The following UGT3A2 variants were observed in gnomAD, a reference collection of about 807,000 sequenced individuals.
UGT3A2 encodes UDP-glycosyltransferase 3A2.
In UGT3A2, 32 loss-of-function variants were observed where a neutral mutation model predicts 39.8. That is an observed-to-expected ratio of 0.80 (90% CI 0.61 to 1.08). The LOEUF (loss-of-function observed/expected upper bound fraction) is 1.08. UGT3A2 is among the 50% of genes least tolerant of loss of function. The pLI, the probability that UGT3A2 is intolerant of heterozygous loss-of-function variation, is 0.00. For synonymous variants in UGT3A2, 241 were observed against 230.7 expected (o/e 1.04, Z -0.40); for missense variants, 611 against 637.1 (o/e 0.96, Z 0.44).
intron 2 of UGT3A2, among the ~76,000 whole-genome samples, chr5:36,060,939 T>C (rs1283500139): frequency 6.6e-6 from 1 of 152,180 alleles, no homozygotes; most frequent in African/African-American, 2.4e-5. Context: ...GCAGATCACC[T>C]GAGATTAGGA....
At chr5:36,037,135 T>C (rs1009438352) in intron 6 of UGT3A2, among the ~76,000 whole-genome samples, 11 of 152,310 alleles carry the variant, frequency 7.2e-5, no homozygotes, top group Admixed American at 1.3e-4. Context: ...CTGCGCATGG[T>C]GGCTTATGTA....
At chr5:36,038,625 T>C (rs917963814) in intron 5 of UGT3A2, among the ~76,000 whole-genome samples, 1 of 152,208 alleles carries the variant, frequency 6.6e-6, no homozygotes, top group Admixed American at 6.5e-5. Flanking sequence ...AAAGTGATGG[T>C]TGATAATGAC....
At chr5:36,045,141 T>A (rs1742126796) in intron 4 of UGT3A2, among the ~76,000 whole-genome samples, 1 of 152,148 alleles carries the variant, frequency 6.6e-6, no homozygotes, top group Admixed American at 6.5e-5. Context: ...ACAAGGCACA[T>A]AGACCAACAG....
At position 36,059,679 on chromosome 5, in the gene UGT3A2, A is replaced by G. The variant is rs527535053; in HGVS notation, c.196+4570T>C. On this transcript the variant is annotated intron_variant, in intron 2 of 6. Transcript: ENST00000282507. ...TTCTCTGTGTCTTCTGTTAATCAGAAAGAGCCTGTTTCTTGTTATCAGTGG... is the reference window on the plus strand; with the variant it reads ...TTCTCTGTGTCTTCTGTTAATCAGAGAGAGCCTGTTTCTTGTTATCAGTGG... Among the ~76,000 whole-genome samples the G allele has an allele frequency of 2.6e-5, 4 of 152,306 alleles. 1 individual carries two copies. In the East Asian group the frequency reaches 5.8e-4, roughly 22 times the overall value.
intron 4 of UGT3A2, among the ~76,000 whole-genome samples, chr5:36,042,143 A>G (rs950341484): frequency 3.3e-5 from 5 of 151,996 alleles, no homozygotes; most frequent in African/African-American, 1.2e-4. Flanking sequence ...GTCTCTTAAC[A>G]GAAGAATTGA....
At chr5:36,062,650 G>A (rs996255550) in intron 2 of UGT3A2, among the ~76,000 whole-genome samples, 8 of 152,128 alleles carry the variant, frequency 5.3e-5, no homozygotes, top group Admixed American at 3.9e-4. Flanking sequence ...CTGTAGTCTT[G>A]TAGTATAGTT....
At chr5:36,048,114 C>A (rs572683625) in intron 4 of UGT3A2, among the ~76,000 whole-genome samples, 2 of 152,200 alleles carry the variant, frequency 1.3e-5, no homozygotes, top group African/African-American at 4.8e-5. Flanking sequence ...ATCACCTGAG[C>A]TTCTGTCCTT....
Position 36,037,839 on chromosome 5 carries a change from T to C in UGT3A2, c.1253A>G (p.Glu418Gly). The C allele has an allele frequency of 6.2e-7, 1 of 1,614,184 alleles. No individual in the cohort carries two copies. Among genetic ancestry groups the C allele is most frequent in the Non-Finnish European group, 8.5e-7 (1 of 1,180,028 alleles). The part of the protein sequence containing the change: ...VSIQLKKLKA[E>G]TLALKMKQIM... ...TTGTTTCATCTTAAGAGCCAATGTC[T>C]CTGCCTTGAGCTTCTTTAACTGAAT... Residue 418 changes from glutamate to glycine, a missense_variant, in exon 6 of 7, where the codon GAG becomes GGG. Physicochemically the swap from Glu to Gly is moderately conservative, Grantham distance 98 (BLOSUM62 -2). Transcript: ENST00000282507.
chr5:36,047,616 G>A (rs1742206820), intron 4 of UGT3A2, among the ~76,000 whole-genome samples: 1 of 151,884 alleles, frequency 6.6e-6, no homozygotes, highest in South Asian at 2.1e-4. Context: ...GGCAACATAA[G>A]ACCATTATAT....
intron 4 of UGT3A2, among the ~76,000 whole-genome samples, chr5:36,040,079 G>T (rs1368081549): frequency 1.3e-5 from 2 of 152,084 alleles, no homozygotes; most frequent in Admixed American, 6.5e-5. Flanking sequence ...GAATGGAGAT[G>T]CTGGGAGAAC....
At chr5:36,063,040 CAA>C (rs556478846) in intron 2 of UGT3A2, among the ~76,000 whole-genome samples, 8,199 of 131,680 alleles carry the variant, frequency 0.062, 795 homozygotes, top group African/African-American at 0.21. Context: ...GACTCTGTCT[CAA>C]AAAAAAAAAA....
intron 1 of UGT3A2, among the ~76,000 whole-genome samples, chr5:36,065,304 C>T (rs1468631424): frequency 6.6e-6 from 1 of 152,118 alleles, no homozygotes; most frequent in East Asian, 1.9e-4. Context: ...TATACCCAGG[C>T]TTGAATAGTC....
Position 36,066,488 on chromosome 5 carries a change from C to A in UGT3A2, c.94+208G>T, listed in dbSNP as rs879574640. 2.0e-4 allele frequency among the ~76,000 whole-genome samples: 30 copies of A among 152,218 alleles called. 1 individual carries two copies. Among genetic ancestry groups the A allele is most frequent in the Admixed American group, 2.0e-3 (30 of 15,282 alleles). ...GGAAGAAGACAGTAAAGGAGAATCT[C>A]TTTTCTCCAAAACTTTCTTCCCCAC... On this transcript the variant is annotated intron_variant, in intron 1 of 6. Coordinates refer to ENST00000282507, the MANE Select transcript of UGT3A2 (RefSeq NM_174914.4).
In UGT3A2 at chr5:36,035,642, C is replaced by T. The variant is rs1232935936; in HGVS notation, c.*56G>A. Reference sequence around the variant, plus strand: ...GGGCTGCCAGAACTAGTGGGAAGCTCCCTAGAAATGGTGACATCGCCCACC... The same window carrying T: ...GGGCTGCCAGAACTAGTGGGAAGCTTCCTAGAAATGGTGACATCGCCCACC... On this transcript the variant is annotated 3_prime_UTR_variant, in exon 7 of 7. Coordinates refer to ENST00000282507, the MANE Select transcript of UGT3A2 (RefSeq NM_174914.4). The T allele has an allele frequency of 6.3e-7, 1 of 1,584,078 alleles. No individual in the cohort carries two copies. Among genetic ancestry groups the T allele is most frequent in the Non-Finnish European group, 8.6e-7 (1 of 1,162,246 alleles).
intron 4 of UGT3A2, among the ~76,000 whole-genome samples, chr5:36,044,639 G>A (rs1051380376): frequency 6.6e-6 from 1 of 152,056 alleles, no homozygotes; most frequent in South Asian, 2.1e-4. Flanking sequence ...AAAGTTGCAG[G>A]ATACAAAATC....
chr5:36,048,853 C>T (rs758252703), intron 4 of UGT3A2, 36 bp downstream of exon 4: 10 of 1,596,990 alleles, frequency 6.3e-6, no homozygotes, highest in South Asian at 2.3e-5. Flanking sequence ...AAGGCCTCTG[C>T]GTGAATCCCA....
chr5:36,059,014 A>T (rs1449178370), intron 2 of UGT3A2, among the ~76,000 whole-genome samples: 5 of 152,186 alleles, frequency 3.3e-5, no homozygotes, highest in Non-Finnish European at 7.4e-5. Context: ...TAGAGATAGA[A>T]ACAAATAGAA....
intron 3 of UGT3A2, among the ~76,000 whole-genome samples, chr5:36,051,135 C>T (rs557743969): frequency 2.0e-5 from 3 of 152,084 alleles, no homozygotes; most frequent in East Asian, 3.9e-4. Context: ...AGGAGGGAGG[C>T]TTTATGGAAA....
At chr5:36,062,208 T>C (rs1193308813) in intron 2 of UGT3A2, among the ~76,000 whole-genome samples, 1 of 149,880 alleles carries the variant, frequency 6.7e-6, no homozygotes, top group Non-Finnish European at 1.5e-5. Flanking sequence ...TTCACTCTGA[T>C]GGTAGTTTCT....
Sources: gnomAD v4.1 joint callset for allele counts (sites outside exome capture counted in the v4.1 genomes callset) on GRCh38, gnomAD v4.1.1 for gene constraint, MANE v1.5 for transcripts, NCBI Gene and HGNC (gene_info 2026-07-23, HGNC 2026-07-21) for gene names.